Variants in RTL4 observed in about 807,000 individuals in gnomAD.
RTL4 encodes the protein retrotransposon Gag like 4, also known as retrotransposon Gag-like protein 4.
RTL4 carries 4 observed loss-of-function variants against 5.3 expected under a neutral mutation model. That is an observed-to-expected ratio of 0.75 (90% CI 0.37 to 1.72). The LOEUF is 1.72. Among genes scored for constraint, RTL4 ranks in the 40% most tolerant of loss-of-function variants. RTL4 has a pLI of 0.04. For missense variants in RTL4, 260 were observed against 227.1 expected, an observed-to-expected ratio of 1.14 and a Z score of -0.93; for synonymous variants, 98 against 87.3, an observed-to-expected ratio of 1.12 and a Z score of -0.68.
the RTL4 span, among the ~76,000 whole-genome samples, chrX:112,348,977 CACA>C: frequency 2.7e-5 from 3 of 110,239 alleles, no homozygotes; most frequent in East Asian, 8.6e-4. Context: ...CTGTAATTCT[CACA>C]ACATGCTGTA....
chrX:112,255,770 T>C, the RTL4 span, among the ~76,000 whole-genome samples: 1 of 111,937 alleles, frequency 8.9e-6, no homozygotes, highest in South Asian at 3.7e-4. Context: ...CCCTTAAGTC[T>C]TCCTTTTTGA....
the RTL4 span, among the ~76,000 whole-genome samples, chrX:112,117,523 T>C: frequency 1.8e-5 from 2 of 111,520 alleles, no homozygotes; most frequent in Non-Finnish European, 3.8e-5. Flanking sequence ...ATTATTCTTA[T>C]ATGGAAATGG....
the RTL4 span, among the ~76,000 whole-genome samples, chrX:112,401,613 C>G: frequency 4.7e-5 from 4 of 85,962 alleles, no homozygotes; most frequent in Non-Finnish European, 8.6e-5. Flanking sequence ...TAGAAAAATT[C>G]TAGACTTTTT....
chrX:112,211,023 G>C, the RTL4 span, among the ~76,000 whole-genome samples: 1 of 112,281 alleles, frequency 8.9e-6, no homozygotes, highest in Non-Finnish European at 1.9e-5. Context: ...CTGTATAAAA[G>C]AATAGTAAAG....
the RTL4 span, among the ~76,000 whole-genome samples, chrX:112,375,429 A>G: frequency 9.0e-6 from 1 of 111,247 alleles, no homozygotes; most frequent in East Asian, 2.8e-4. Context: ...TCACTTCAGT[A>G]ATCTGGATGA....
At chrX:112,112,456 A>G in the RTL4 span, among the ~76,000 whole-genome samples, 1 of 111,672 alleles carries the variant, frequency 9.0e-6, no homozygotes, top group South Asian at 3.8e-4. Flanking sequence ...AACCCCCGCA[A>G]CTGTTTTAAT....
At chrX:112,337,736 C>G in the RTL4 span, among the ~76,000 whole-genome samples, 1 of 111,605 alleles carries the variant, frequency 9.0e-6, no homozygotes, top group Non-Finnish European at 1.9e-5. Context: ...CTTCATCTCT[C>G]TGGCTTCTAG....
chrX:112,244,511 G>T, the RTL4 span, among the ~76,000 whole-genome samples: 1 of 111,200 alleles, frequency 9.0e-6, no homozygotes, highest in African/African-American at 3.3e-5. Flanking sequence ...TACTAGGATT[G>T]CAACCCCTGC....
chrX:112,357,164 T>A, the RTL4 span, among the ~76,000 whole-genome samples: 3 of 110,951 alleles, frequency 2.7e-5, no homozygotes, highest in Non-Finnish European at 5.7e-5. Flanking sequence ...TTGTTTGTGC[T>A]GGAAGCTATT....
At chrX:112,190,152 CTT>C in the RTL4 span, among the ~76,000 whole-genome samples, 1 of 77,437 alleles carries the variant, frequency 1.3e-5, no homozygotes, top group South Asian at 5.7e-4. Flanking sequence ...TTCTTTCTTT[CTT>C]TCTTTCTTTC....
the RTL4 span, among the ~76,000 whole-genome samples, chrX:112,105,874 T>C: frequency 8.9e-6 from 1 of 111,877 alleles, no homozygotes; most frequent in Non-Finnish European, 1.9e-5. Context: ...TTTTTATTTT[T>C]TAATCTTGCC....
the RTL4 span, among the ~76,000 whole-genome samples, chrX:112,389,158 G>A: frequency 9.1e-6 from 1 of 110,346 alleles, no homozygotes; most frequent in African/African-American, 3.3e-5. Context: ...TCTTGGGAGG[G>A]TGTATGTGTC....
chrX:112,337,652 CTTA>C, the RTL4 span, among the ~76,000 whole-genome samples: 1 of 111,596 alleles, frequency 9.0e-6, no homozygotes, highest in Non-Finnish European at 1.9e-5. Context: ...GCTCTTATTT[CTTA>C]TTCAAGTTTT....
the RTL4 span, among the ~76,000 whole-genome samples, chrX:112,254,207 T>C: frequency 1.2e-3 from 135 of 112,139 alleles, no homozygotes; most frequent in African/African-American, 4.3e-3. Context: ...AGCCTGTTGC[T>C]CTGAAGTAGA....
At chrX:112,146,628 C>A in the RTL4 span, among the ~76,000 whole-genome samples, 1 of 109,957 alleles carries the variant, frequency 9.1e-6, no homozygotes, top group Non-Finnish European at 1.9e-5. Context: ...GAGGAGGAAG[C>A]AGGAGGTCAG....
chrX:112,381,436 G>A, the RTL4 span: 1 of 1,209,327 alleles, frequency 8.3e-7, no homozygotes, highest in South Asian at 1.8e-5. Context: ...AAACCCAGCG[G>A]GAACAGCTAC....
the RTL4 span, among the ~76,000 whole-genome samples, chrX:112,212,227 A>G: frequency 1.8e-5 from 2 of 111,156 alleles, no homozygotes; most frequent in Admixed American, 9.5e-5. Context: ...ATACAAAAAA[A>G]TTAGCCAGGC....
the RTL4 span, among the ~76,000 whole-genome samples, chrX:112,143,313 A>ATT: frequency 9.1e-6 from 1 of 110,333 alleles, no homozygotes; most frequent in Admixed American, 9.6e-5. Flanking sequence ...GAACTTAGGC[A>ATT]TTTTTTTTCA....
chrX:112,326,487 G>A, the RTL4 span, among the ~76,000 whole-genome samples: 12 of 111,977 alleles, frequency 1.1e-4, no homozygotes, highest in East Asian at 2.8e-4. Flanking sequence ...TATCCCGCAC[G>A]TGGCTCGGAG....
Sources: allele counts gnomAD v4.1 joint callset (sites outside exome capture counted in the v4.1 genomes callset), GRCh38; gene constraint gnomAD v4.1.1; transcripts MANE v1.5; gene names NCBI Gene and HGNC (gene_info 2026-07-23, HGNC 2026-07-21).